The following TNNI3K variants were observed in gnomAD, a reference collection of about 807,000 sequenced individuals.
TNNI3K encodes the protein serine/threonine-protein kinase TNNI3K.
A neutral mutation model predicts 114.5 loss-of-function variants in TNNI3K; 140 were observed. That is an observed-to-expected ratio of 1.22 (90% CI 1.07 to 1.41). The LOEUF (loss-of-function observed/expected upper bound fraction) is 1.41, where lower values mean the gene tolerates loss of function less well. Ranked by LOEUF, TNNI3K falls within the 40% of genes most tolerant of loss-of-function variation. TNNI3K has a pLI of 0.00. For synonymous variants in TNNI3K, 347 were observed against 347.5 expected (o/e 1.00, Z 0.02); for missense variants, 1,125 against 1,007.6 (o/e 1.12, Z -1.58).
intron 21 of TNNI3K, among the ~76,000 whole-genome samples, chr1:74,466,981 A>G (rs1281655090): frequency 6.6e-6 from 1 of 152,184 alleles, no homozygotes; most frequent in Admixed American, 6.5e-5. Context: ...AGAAAGACAA[A>G]ACTCTGTGAG....
chr1:74,478,353 G>T (rs1374220438), intron 21 of TNNI3K, among the ~76,000 whole-genome samples: 1 of 152,030 alleles, frequency 6.6e-6, no homozygotes, highest in South Asian at 2.1e-4. Context: ...TGTATATTAA[G>T]CTCCCAGTCA....
intron 21 of TNNI3K, chr1:74,480,596 G>A (rs61729318): frequency 5.6e-6 from 4 of 717,218 alleles, no homozygotes; most frequent in South Asian, 1.5e-5. Flanking sequence ...GTGGAGATTC[G>A]TGCCTCCGAA....
At chr1:74,265,017 G>A (rs1655884882) in intron 4 of TNNI3K, among the ~76,000 whole-genome samples, 1 of 151,952 alleles carries the variant, frequency 6.6e-6, no homozygotes, top group Admixed American at 6.6e-5. Context: ...CAAATTATTA[G>A]CAGCTGAAGG....
chr1:74,521,759 A>T lies in TNNI3K; in HGVS notation c.2352-18475A>T, dbSNP rs45541034. ...GATAAGAAGGGCACAGGGTCTCATA[A>T]ATGAATACATGAATGAATAAATGGG... On this transcript the variant is annotated intron_variant, in intron 23 of 24. Coordinates refer to ENST00000326637, the MANE Select transcript of TNNI3K (RefSeq NM_015978.3). 5.0e-3 allele frequency among the ~76,000 whole-genome samples: 764 copies of T among 152,266 alleles called. 6 individuals are homozygous for T. The highest frequency in any genetic ancestry group is 0.017 in the African/African-American group (708 of 41,544).
chr1:74,333,237 C>CT (rs1373312681), intron 6 of TNNI3K, among the ~76,000 whole-genome samples: 2 of 152,184 alleles, frequency 1.3e-5, no homozygotes, highest in Non-Finnish European at 2.9e-5. Flanking sequence ...CCTGGACACT[C>CT]TAAGACCTGT....
chr1:74,340,073 T>C (rs1660676213), intron 7 of TNNI3K, among the ~76,000 whole-genome samples: 1 of 152,080 alleles, frequency 6.6e-6, no homozygotes, highest in Non-Finnish European at 1.5e-5. Flanking sequence ...TGAAAGCTTA[T>C]TAAAGACAGA....
At chr1:74,451,128 C>T (rs1201941730) in intron 20 of TNNI3K, among the ~76,000 whole-genome samples, 1 of 152,124 alleles carries the variant, frequency 6.6e-6, no homozygotes, top group Non-Finnish European at 1.5e-5. Context: ...CCATTATCCT[C>T]AGAAAACTAA....
Position 74,343,064 on chromosome 1 carries a change from T to A in TNNI3K, c.828-11T>A. ...CTTACAATATTAACAAGATATTTTC[T>A]TCAAATCTAGGGCATGCTACAATGG... On this transcript the variant is annotated splice_polypyrimidine_tract_variant and intron_variant, in intron 8 of 24. Transcript: ENST00000326637. 1 of 1,613,124 alleles carries A rather than the reference T, an allele frequency of 6.2e-7. No homozygotes were observed. Among genetic ancestry groups the A allele is most frequent in the East Asian group, 2.2e-5 (1 of 44,848 alleles).
intron 17 of TNNI3K, among the ~76,000 whole-genome samples, chr1:74,433,976 C>T (rs574050443): frequency 6.6e-6 from 1 of 152,106 alleles, no homozygotes; most frequent in South Asian, 2.1e-4. Context: ...TTAAACTGCT[C>T]CCAGATAGGC....
chr1:74,336,059 G>A lies in TNNI3K; in HGVS notation c.592G>A (p.Glu198Lys). Residue 198 changes from glutamate (E) to lysine (K), a missense_variant, in exon 7 of 25, where the codon GAA (glutamate) becomes AAA (lysine). Coordinates refer to ENST00000326637, the MANE Select transcript of TNNI3K (RefSeq NM_015978.3). ...TGGTGCTGATGTAAATGTAAGTGGT[G>A]AAGTTGGAGATAGACCCCTCCACCT... ...KFGADVNVSGEVGDRPLHLAS... is the reference protein window; with the variant it reads ...KFGADVNVSGKVGDRPLHLAS... The A allele has an allele frequency of 1.9e-6, 3 of 1,598,748 alleles. No individual in the cohort carries two copies. Among genetic ancestry groups the A allele is most frequent in the Non-Finnish European group, 2.6e-6 (3 of 1,175,768 alleles).
At chr1:74,538,269 A>T (rs1291972968) in intron 23 of TNNI3K, among the ~76,000 whole-genome samples, 3 of 152,260 alleles carry the variant, frequency 2.0e-5, no homozygotes, top group African/African-American at 7.2e-5. Context: ...GCTATAGAGG[A>T]CTTGGTATAT....
chr1:74,325,331 C>T (rs903802977), intron 5 of TNNI3K, among the ~76,000 whole-genome samples: 5 of 152,106 alleles, frequency 3.3e-5, no homozygotes, highest in African/African-American at 4.8e-5. Flanking sequence ...CCCTTTCATC[C>T]ATCGCTCAGC....
At chr1:74,506,749 A>C (rs1401606378) in intron 23 of TNNI3K, among the ~76,000 whole-genome samples, 1 of 152,154 alleles carries the variant, frequency 6.6e-6, no homozygotes, top group African/African-American at 2.4e-5. Flanking sequence ...TTTTAGTTTT[A>C]GTGTACTGTA....
intron 17 of TNNI3K, among the ~76,000 whole-genome samples, chr1:74,427,048 T>G (rs1238080122): frequency 2.6e-5 from 4 of 152,128 alleles, no homozygotes; most frequent in African/African-American, 9.7e-5. Flanking sequence ...TCTAAAATAT[T>G]GCTTGCTATA....
At chr1:74,438,414 A>C (rs746939883) in intron 19 of TNNI3K, among the ~76,000 whole-genome samples, 12 of 152,120 alleles carry the variant, frequency 7.9e-5, no homozygotes, top group Non-Finnish European at 1.3e-4. Flanking sequence ...CCAACACTAC[A>C]CACAAGATTT....
intron 21 of TNNI3K, among the ~76,000 whole-genome samples, chr1:74,479,480 AC>A (rs1245014204): frequency 1.3e-5 from 2 of 152,218 alleles, no homozygotes; most frequent in Non-Finnish European, 1.5e-5. Context: ...AGAATTCAAA[AC>A]CACCCAACAG....
chr1:74,537,494 A>G (rs951194320), intron 23 of TNNI3K, among the ~76,000 whole-genome samples: 3 of 152,202 alleles, frequency 2.0e-5, no homozygotes, highest in African/African-American at 7.2e-5. Context: ...GAAAGAATTA[A>G]TCAGTGTGAA....
At chr1:74,293,302 T>C (rs1557479424) in intron 5 of TNNI3K, among the ~76,000 whole-genome samples, 1 of 151,726 alleles carries the variant, frequency 6.6e-6, no homozygotes. Flanking sequence ...GACTCTATAT[T>C]AACCTACTGT....
intron 20 of TNNI3K, among the ~76,000 whole-genome samples, chr1:74,455,931 C>T (rs998072753): frequency 6.6e-6 from 1 of 152,200 alleles, no homozygotes; most frequent in Non-Finnish European, 1.5e-5. Flanking sequence ...ATCTGGGTAT[C>T]CCTTAGCCCA....
Sources: allele counts gnomAD v4.1 joint callset (sites outside exome capture counted in the v4.1 genomes callset), GRCh38; gene constraint gnomAD v4.1.1; transcripts MANE v1.5; gene names NCBI Gene and HGNC (gene_info 2026-07-23, HGNC 2026-07-21).